Variants in ERBIN observed in about 807,000 individuals in gnomAD.
ERBIN encodes the protein densin-180-like protein.
ERBIN carries 60 observed loss-of-function variants against 158.4 expected under a neutral mutation model. The ratio of observed to expected loss-of-function variants is 0.38; its 90% confidence interval spans 0.31 to 0.47. The LOEUF (loss-of-function observed/expected upper bound fraction) is 0.47. Ranked by LOEUF, ERBIN falls within the 20% of genes least tolerant of loss-of-function variation. The pLI is 0.99. For synonymous variants in ERBIN, 594 were observed against 557.2 expected (o/e 1.07, Z -0.93); for missense variants, 1,610 against 1,648.0 (o/e 0.98, Z 0.40).
intron 1 of ERBIN, among the ~76,000 whole-genome samples, chr5:65,964,941 T>TGTGTGTGTGTGTGC (rs1394546769): frequency 3.5e-5 from 4 of 115,536 alleles, no homozygotes; most frequent in African/African-American, 1.3e-4. Context: ...TGTGTGTGTG[T>TGTGTGTGTGTGTGC]GTGTAATTTT....
chr5:66,007,262 C>G (rs1052392711), intron 4 of ERBIN, among the ~76,000 whole-genome samples: 1 of 152,192 alleles, frequency 6.6e-6, no homozygotes, highest in Admixed American at 6.5e-5. Context: ...AGCTGAAAAC[C>G]ATCATTCTCA....
At chr5:66,000,299 A>T (rs1183181975) in intron 4 of ERBIN, among the ~76,000 whole-genome samples, 1 of 152,202 alleles carries the variant, frequency 6.6e-6, no homozygotes, top group African/African-American at 2.4e-5. Flanking sequence ...TTATTACTCT[A>T]AAATGAGAAT....
At chr5:65,967,299 A>G (rs1358974090) in intron 1 of ERBIN, among the ~76,000 whole-genome samples, 2 of 152,210 alleles carry the variant, frequency 1.3e-5, no homozygotes, top group East Asian at 1.9e-4. Flanking sequence ...AGTAGTGTAC[A>G]GTAGTGTCCT....
intron 1 of ERBIN, among the ~76,000 whole-genome samples, chr5:65,964,567 A>G (rs573668695): frequency 1.3e-5 from 2 of 152,260 alleles, no homozygotes; most frequent in African/African-American, 4.8e-5. Flanking sequence ...GAGGAAGGAA[A>G]ACTATGTACT....
In ERBIN at chr5:65,992,807, C is replaced by G. The variant is rs1752023926; in HGVS notation, c.89C>G (p.Ser30Cys). ...EEETVTTLDYSHCSLEQVPKE... is the reference protein window; with the variant it reads ...EEETVTTLDYCHCSLEQVPKE... ...GAGACTGTCACTACTCTTGATTATTCTCATTGCAGCTTAGAACAAGTTCCG... is the reference window on the plus strand; with the variant it reads ...GAGACTGTCACTACTCTTGATTATTGTCATTGCAGCTTAGAACAAGTTCCG... Residue 30 changes from serine (S) to cysteine (C), a missense_variant, in exon 3 of 26, where the codon TCT becomes TGT. Physicochemically the swap from Ser to Cys is moderately radical, Grantham distance 112 (BLOSUM62 -1). Transcript: ENST00000284037. 6.2e-7 allele frequency: 1 copy of G among 1,613,728 alleles called. No homozygotes were observed. Among genetic ancestry groups the G allele is most frequent in the African/African-American group, 1.3e-5 (1 of 75,040 alleles).
At chr5:66,022,875 G>A (rs1755846176) in intron 8 of ERBIN, 1 of 153,636 alleles carries the variant, frequency 6.5e-6, no homozygotes, top group Non-Finnish European at 1.4e-5. Flanking sequence ...GGGAACATTT[G>A]TAATTTTTCT....
At chr5:65,947,095 A>C (rs187298183) in intron 1 of ERBIN, among the ~76,000 whole-genome samples, 1 of 152,068 alleles carries the variant, frequency 6.6e-6, no homozygotes, top group African/African-American at 2.4e-5. Context: ...AAAAGCTTTT[A>C]ATTTTGATGA....
At chr5:65,948,509 A>T (rs934842175) in intron 1 of ERBIN, among the ~76,000 whole-genome samples, 3 of 151,940 alleles carry the variant, frequency 2.0e-5, no homozygotes, top group African/African-American at 7.3e-5. Context: ...ATAAAAAGAG[A>T]AGGGTAAAAT....
chr5:65,996,949 A>G (rs1367816090), intron 4 of ERBIN, among the ~76,000 whole-genome samples: 1 of 152,166 alleles, frequency 6.6e-6, no homozygotes. Context: ...ATATGTAAAA[A>G]TGCTACTGAT....
intron 1 of ERBIN, among the ~76,000 whole-genome samples, chr5:65,957,209 T>TTTTTA (rs200465005): frequency 2.6e-5 from 4 of 151,412 alleles, no homozygotes; most frequent in Non-Finnish European, 5.9e-5. Context: ...TTTTTTTAAA[T>TTTTTA]TTTTATTTTA....
At chr5:65,940,415 T>TG (rs1170691619) in intron 1 of ERBIN, among the ~76,000 whole-genome samples, 19 of 78,034 alleles carry the variant, frequency 2.4e-4, no homozygotes, top group Admixed American at 5.6e-4. Context: ...GGGAGGGAGG[T>TG]GGGGGGGTCA....
chr5:65,938,578 A>C (rs1384961034), intron 1 of ERBIN, among the ~76,000 whole-genome samples: 1 of 151,492 alleles, frequency 6.6e-6, no homozygotes, highest in Non-Finnish European at 1.5e-5. Flanking sequence ...CTTGAGACGG[A>C]GTCTTCCTCT....
Position 66,053,774 on chromosome 5 carries a change from T to C in ERBIN, c.2456T>C (p.Val819Ala). 6.2e-7 allele frequency: 1 copy of C among 1,613,824 alleles called. No individual in the cohort carries two copies. Among genetic ancestry groups the C allele is most frequent in the East Asian group, 2.2e-5 (1 of 44,874 alleles). Reference sequence around the variant, plus strand: ...AACAAGTATCCTAATTTGGAATCCGTAAATAAGGTAAATGGACATTCTGAG... The same window carrying C: ...AACAAGTATCCTAATTTGGAATCCGCAAATAAGGTAAATGGACATTCTGAG... ...NGNKYPNLES[V>A]NKVNGHSEET... Residue 819 changes from valine (V) to alanine (A), a missense_variant, in exon 21 of 26, where the codon GTA becomes GCA. Val to Ala is a moderately conservative substitution (Grantham distance 64, BLOSUM62 0). This residue lies in a region of ERBIN where 1,014 missense variants were observed against 936.1 expected (regional missense o/e 1.08). Transcript: ENST00000284037.
At chr5:66,058,193 C>T (rs1161630821) in intron 21 of ERBIN, among the ~76,000 whole-genome samples, 1 of 151,794 alleles carries the variant, frequency 6.6e-6, no homozygotes, top group African/African-American at 2.4e-5. Context: ...CTCTCCAGCA[C>T]CTGTTGTTTC....
intron 4 of ERBIN, among the ~76,000 whole-genome samples, chr5:66,000,161 C>T (rs948652672): frequency 6.6e-6 from 1 of 152,094 alleles, no homozygotes; most frequent in Non-Finnish European, 1.5e-5. Context: ...GATTAAAAAT[C>T]GTATACATCT....
intron 7 of ERBIN, among the ~76,000 whole-genome samples, chr5:66,015,640 A>G (rs549315644): frequency 6.6e-6 from 1 of 152,256 alleles, no homozygotes; most frequent in South Asian, 2.1e-4. Context: ...TTGCCCACCC[A>G]GCCTGGGCAA....
At position 66,044,342 on chromosome 5, in the gene ERBIN, T is replaced by C. The variant is rs183167481; in HGVS notation, c.1602+32T>C. ...AAATTCAAAAGGATTAACCAAAGCC[T>C]ATTTCAAGTTCTTATTTTTAAATGA... is the stretch of plus-strand genomic sequence containing the variant. On this transcript the variant is annotated intron_variant, in intron 17 of 25. Transcript: ENST00000284037. 4.5e-5 allele frequency: 70 copies of C among 1,550,220 alleles called. No individual in the cohort carries two copies. The East Asian group carries it at 1.4e-3, about 32-fold the overall frequency.
rs756843481 is a variant in ERBIN at position 66,014,714 on chromosome 5, A to T, written c.522A>T (p.Lys174Asn). ...QILELRENQL[K>N]MLPKTMNRLT... ...TAGAGCTTAGAGAAAACCAGTTAAA[A>T]ATGTTGCCTAAGTAAGTAAAGGTGC... Residue 174 changes from lysine (K) to asparagine (N), a missense_variant, in exon 7 of 26, where the codon AAA (lysine) becomes AAT (asparagine). Lys to Asn is a moderately conservative substitution (Grantham distance 94). Around this residue, in one of 2 missense-constraint regions of ERBIN, gnomAD observed 596 missense variants for 711.9 expected, o/e 0.84. Coordinates refer to ENST00000284037, the MANE Select transcript of ERBIN (RefSeq NM_001253697.2). The T allele has an allele frequency of 1.4e-6, 2 of 1,440,254 alleles. No individual in the cohort carries two copies. Among genetic ancestry groups the T allele is most frequent in the Non-Finnish European group, 1.9e-6 (2 of 1,063,122 alleles). The allele number at this position is 1,440,254 out of a possible 1,614,324, so 89.2% of individuals were successfully genotyped here. A position where few individuals can be genotyped will look rare whatever the true frequency, so the allele number is the denominator to read the frequency against.
At chr5:66,028,604 T>G (rs535519430) in intron 14 of ERBIN, among the ~76,000 whole-genome samples, 2 of 152,326 alleles carry the variant, frequency 1.3e-5, no homozygotes, top group South Asian at 2.1e-4. Context: ...GAAATCAGAC[T>G]CAAACTCTGA....
Sources: gnomAD v4.1 joint callset for allele counts (sites outside exome capture counted in the v4.1 genomes callset) on GRCh38, gnomAD v4.1.1 for gene constraint, gnomAD v4.1.1 regional missense constraint, MANE v1.5 for transcripts, NCBI Gene and HGNC (gene_info 2026-07-23, HGNC 2026-07-21) for gene names.